The following MARK4 variants were observed in gnomAD, a reference collection of about 807,000 sequenced individuals.
MARK4 encodes microtubule affinity regulating kinase 4, also known as MAP/microtubule affinity-regulating kinase 4.
MARK4 carries 19 observed loss-of-function variants against 81.5 expected under a neutral mutation model. The observed-to-expected ratio is 0.23, with a 90% CI of 0.16 to 0.34. The LOEUF (loss-of-function observed/expected upper bound fraction) is 0.34, where lower values mean the gene tolerates loss of function less well. Among genes scored for constraint, MARK4 ranks in the 10% least tolerant of loss-of-function variants. MARK4 has a pLI of 1.00. For synonymous variants in MARK4, 436 were observed against 439.0 expected (o/e 0.99, Z 0.08); for missense variants, 772 against 1,058.8 (o/e 0.73, Z 3.76).
chr19:45,274,105 C>T (rs918735070), intron 8 of MARK4, among the ~76,000 whole-genome samples: 5 of 152,006 alleles, frequency 3.3e-5, no homozygotes, highest in Admixed American at 6.6e-5. Context: ...AAAAATTAGC[C>T]GGGCGTGGTG....
chr19:45,278,106 G>T lies in MARK4; in HGVS notation c.906+64G>T, dbSNP rs551101762. 76 of 1,590,216 alleles carry T rather than the reference G, an allele frequency of 4.8e-5. No individual in the cohort carries two copies. The African/African-American group carries it at 9.5e-4, about 20-fold the overall frequency. On this transcript the variant is annotated intron_variant, in intron 9 of 16. Coordinates refer to ENST00000262891, the MANE Select transcript of MARK4 (RefSeq NM_001199867.2). ...CTCCTGACTCCCCTAAACTCTGCCT[G>T]CCCCCACCCACAAAAGCCTTCTTGA...
rs184878671 is a variant in MARK4 at position 45,278,955 on chromosome 19, A to C, written c.1006+340A>C. ...AAAGAGAGACCAGGCGAGGTGGTTC[A>C]TGCTGGTAATCCCAGCACTTTGGGA... On this transcript the variant is annotated intron_variant, in intron 10 of 16. Transcript: ENST00000262891. Among the ~76,000 whole-genome samples the C allele has an allele frequency of 1.1e-4, 16 of 152,300 alleles. 1 individual carries two copies. In the East Asian group the frequency reaches 3.1e-3, roughly 29 times the overall value.
chr19:45,280,878 G>A, intron 12 of MARK4, 144 bp downstream of exon 12: 1 of 1,215,764 alleles, frequency 8.2e-7, no homozygotes, highest in Non-Finnish European at 1.2e-6. Context: ...TAAAGACACA[G>A]GGCATTGCAT....
chr19:45,270,292 G>A (rs372768701), intron 7 of MARK4, among the ~76,000 whole-genome samples: 2 of 152,298 alleles, frequency 1.3e-5, no homozygotes, highest in East Asian at 1.9e-4. Flanking sequence ...TTCACACAGC[G>A]AGTGAGTGGT....
chr19:45,300,177 G>A (rs1294624460), intron 16 of MARK4, among the ~76,000 whole-genome samples: 2 of 151,894 alleles, frequency 1.3e-5, no homozygotes, highest in Non-Finnish European at 2.9e-5. Flanking sequence ...AAACCCCGTC[G>A]TTACTAAAAA....
At position 45,263,228 on chromosome 19, in the gene MARK4, C is replaced by G. The variant is rs375920976; in HGVS notation, c.306+62C>G. 1.8e-5 allele frequency: 29 copies of G among 1,613,406 alleles called. No individual in the cohort carries two copies. In the Middle Eastern group the frequency reaches 9.9e-4, roughly 55 times the overall value. ...CTTCCGGCACAGCCGGGTGACCCAC[C>G]TGACCCTTCCTGCGGGGGCCCGGCT... is the stretch of plus-strand genomic sequence containing the variant. On this transcript the variant is annotated intron_variant, in intron 3 of 16. Transcript: ENST00000262891.
At chr19:45,297,553 C>G (rs1355445504) in intron 14 of MARK4, 123 bp from the exon 15 acceptor site, 2 of 616,506 alleles carry the variant, frequency 3.2e-6, no homozygotes, top group South Asian at 2.0e-5. Flanking sequence ...CGTTGCAGCC[C>G]TGTCTCTGAG....
At chr19:45,292,077 T>A (rs1970827146) in intron 13 of MARK4, among the ~76,000 whole-genome samples, 1 of 152,186 alleles carries the variant, frequency 6.6e-6, no homozygotes, top group Non-Finnish European at 1.5e-5. Flanking sequence ...ATGTAGGACT[T>A]GGCTTTTTTG....
chr19:45,280,885 G>T, intron 12 of MARK4, 151 bp downstream of exon 12: 17 of 1,183,626 alleles, frequency 1.4e-5, no homozygotes, highest in Non-Finnish European at 1.8e-5. Flanking sequence ...ACAGGGCATT[G>T]CATGGAACTT....
intron 12 of MARK4, among the ~76,000 whole-genome samples, chr19:45,284,603 C>G (rs995117826): frequency 6.6e-6 from 1 of 151,914 alleles, no homozygotes; most frequent in South Asian, 2.1e-4. Context: ...GCTGGGATTA[C>G]AGGCATGAGC....
At position 45,258,976 on chromosome 19, in the gene MARK4, C is replaced by T. The variant is rs1363081105; in HGVS notation, c.52-13C>T. On this transcript the variant is annotated splice_polypyrimidine_tract_variant and intron_variant, in intron 1 of 16. Transcript: ENST00000262891. ...TGGGATTGGATAGCTCATGCTCCAT[C>T]TCCCCCGCCCAGCATGGCACCTTGG... is the stretch of plus-strand genomic sequence containing the variant. 6.2e-7 allele frequency: 1 copy of T among 1,609,930 alleles called. No individual in the cohort carries two copies. Among genetic ancestry groups the T allele is most frequent in the African/African-American group, 1.3e-5 (1 of 74,852 alleles).
Position 45,299,490 on chromosome 19 carries a change from AGTGT to A in MARK4, c.1878-311_1878-308del, listed in dbSNP as rs570871512. Among the ~76,000 whole-genome samples, 185 of 151,822 alleles carry A rather than the reference AGTGT, an allele frequency of 1.2e-3. 2 individuals are homozygous for A. The highest frequency in any genetic ancestry group is 3.3e-3 in the African/African-American group (136 of 41,400). On this transcript the variant is annotated intron_variant, in intron 15 of 16. Transcript: ENST00000262891. ...GCATGAATGTATATGTGAGCGAGGGAGTGTGTGTGTGTGCACACGTGCGTGTGTC... is the reference window on the plus strand; with the variant it reads ...GCATGAATGTATATGTGAGCGAGGGAGTGTGTGTGCACACGTGCGTGTGTC...
intron 7 of MARK4, among the ~76,000 whole-genome samples, chr19:45,270,146 A>G (rs1970506967): frequency 6.6e-6 from 1 of 152,066 alleles, no homozygotes; most frequent in Admixed American, 6.6e-5. Flanking sequence ...TTTACTGATC[A>G]CTGACTGTGC....
At chr19:45,269,187 T>C (rs1036677889) in intron 7 of MARK4, among the ~76,000 whole-genome samples, 2 of 152,162 alleles carry the variant, frequency 1.3e-5, no homozygotes, top group Non-Finnish European at 2.9e-5. Context: ...GAGACCAGCC[T>C]GGCCAACATG....
chr19:45,275,597 G>GT (rs1228506984), intron 8 of MARK4, among the ~76,000 whole-genome samples: 3 of 152,226 alleles, frequency 2.0e-5, no homozygotes, highest in Non-Finnish European at 4.4e-5. Flanking sequence ...GGAGGTGGCA[G>GT]TGGTGGCCTG....
chr19:45,292,594 G>A (rs1970833799), intron 13 of MARK4, among the ~76,000 whole-genome samples: 1 of 151,992 alleles, frequency 6.6e-6, no homozygotes, highest in Non-Finnish European at 1.5e-5. Flanking sequence ...AAAGTAGAAG[G>A]GACCGGAATT....
chr19:45,252,152 C>T lies in MARK4; in HGVS notation c.51+513C>T, dbSNP rs915924219. Among the ~76,000 whole-genome samples the T allele has an allele frequency of 2.0e-5, 3 of 152,146 alleles. No individual in the cohort carries two copies. In the East Asian group the frequency reaches 5.9e-4, roughly 30 times the overall value. On this transcript the variant is annotated intron_variant, in intron 1 of 16. Coordinates refer to ENST00000262891, the MANE Select transcript of MARK4 (RefSeq NM_001199867.2). ...CCTCCTCTTATTCCCAGCCCTCTGC[C>T]CCTCCAGGACGCACCCAGGGCGCCT...
intron 12 of MARK4, among the ~76,000 whole-genome samples, chr19:45,282,026 C>A (rs1419083326): frequency 6.6e-6 from 1 of 151,922 alleles, no homozygotes; most frequent in Admixed American, 6.6e-5. Flanking sequence ...GAGTTTGAGA[C>A]CGGCCTGGCC....
Position 45,271,449 on chromosome 19 carries a change from G to T in MARK4, c.550-23G>T. The stretch of plus-strand genomic sequence containing the variant: ...GCTTTGGCCTTGAGTCCCACTTTCC[G>T]CCCTCTCCTTCTCTCCCTGCAGGCT... On this transcript the variant is annotated intron_variant, in intron 7 of 16. Coordinates refer to ENST00000262891, the MANE Select transcript of MARK4 (RefSeq NM_001199867.2). The surrounding 1 kb of genome is among the most constrained non-coding windows in gnomAD (Gnocchi z 4.1). The T allele has an allele frequency of 6.2e-7, 1 of 1,609,678 alleles. No homozygotes were observed. The highest frequency in any genetic ancestry group is 8.5e-7 in the Non-Finnish European group (1 of 1,176,850).
Sources: gnomAD v4.1 joint callset for allele counts (sites outside exome capture counted in the v4.1 genomes callset) on GRCh38, gnomAD v4.1.1 for gene constraint, Gnocchi (gnomAD v3.1) non-coding constraint, MANE v1.5 for transcripts, NCBI Gene and HGNC (gene_info 2026-07-23, HGNC 2026-07-21) for gene names.